The following STPG2 variants were observed in gnomAD, a reference collection of about 807,000 sequenced individuals.
STPG2 encodes sperm tail PG-rich repeat containing 2.
A neutral mutation model predicts 54.2 loss-of-function variants in STPG2; 56 were observed. The ratio of observed to expected loss-of-function variants is 1.03; its 90% CI spans 0.83 to 1.29. The LOEUF is 1.29. Ranked by LOEUF, STPG2 falls within the 50% of genes most tolerant of loss-of-function variation. The probability of loss-of-function intolerance (pLI) is 0.00; values close to 1 mark genes in which losing one functional copy is unlikely to be tolerated. For missense variants in STPG2, 596 were observed against 544.9 expected (o/e 1.09, Z -0.93); for synonymous variants, 200 against 181.8 (o/e 1.10, Z -0.81).
At chr4:97,868,192 C>A (rs1326782440) in intron 8 of STPG2, among the ~76,000 whole-genome samples, 1 of 151,794 alleles carries the variant, frequency 6.6e-6, no homozygotes, top group African/African-American at 2.4e-5. Flanking sequence ...TGCCTTTAGC[C>A]ATTTAAAAAT....
rs573784689 is a variant in STPG2 at position 97,735,006 on chromosome 4, G to C, written c.1205-22192C>G. On this transcript the variant is annotated intron_variant, in intron 9 of 10. Coordinates refer to ENST00000295268, the MANE Select transcript of STPG2 (RefSeq NM_174952.3). ...GAGAATGGCATGAACCCAGGAGGCG[G>C]AGCTGGCAGTGAGTTGAGATGGCGT... Among the ~76,000 whole-genome samples the C allele has an allele frequency of 3.9e-4, 59 of 151,128 alleles. No individual in the cohort carries two copies. The South Asian group carries it at 4.8e-3, about 12-fold the overall frequency.
At chr4:97,548,082 G>C (rs771938669) in intron 4 of STPG2, among the ~76,000 whole-genome samples, 1 of 152,120 alleles carries the variant, frequency 6.6e-6, no homozygotes, top group Non-Finnish European at 1.5e-5. Context: ...CCCTCGAGGC[G>C]GAGATTGTGG....
At chr4:98,115,084 A>G (rs2110150128) in intron 3 of STPG2, among the ~76,000 whole-genome samples, 1 of 152,112 alleles carries the variant, frequency 6.6e-6, no homozygotes, top group South Asian at 2.1e-4. Flanking sequence ...TTTTAAGTAA[A>G]TGCTATATTA....
chr4:97,734,570 T>C (rs897784871), intron 9 of STPG2, among the ~76,000 whole-genome samples: 5 of 152,214 alleles, frequency 3.3e-5, no homozygotes, highest in Non-Finnish European at 7.3e-5. Flanking sequence ...ATATTTCTTA[T>C]ACTTTATTCT....
At chr4:97,902,056 A>C (rs1038462412) in intron 8 of STPG2, among the ~76,000 whole-genome samples, 2 of 152,140 alleles carry the variant, frequency 1.3e-5, no homozygotes, top group African/African-American at 4.8e-5. Context: ...ATGATATAGA[A>C]AGGATATTCT....
chr4:97,563,417 G>GT (rs1246394965), intron 10 of STPG2, among the ~76,000 whole-genome samples: 1 of 152,022 alleles, frequency 6.6e-6, no homozygotes, highest in East Asian at 1.9e-4. Flanking sequence ...TTTTTGAAGG[G>GT]TTTTTTGTGT....
At chr4:97,662,569 A>G (rs1722405462) in intron 10 of STPG2, among the ~76,000 whole-genome samples, 1 of 152,236 alleles carries the variant, frequency 6.6e-6, no homozygotes, top group South Asian at 2.1e-4. Flanking sequence ...CCGTATGTTC[A>G]CTGCGATGCT....
intron 4 of STPG2, among the ~76,000 whole-genome samples, chr4:97,490,372 G>C (rs1730478244): frequency 6.6e-6 from 1 of 151,300 alleles, no homozygotes; most frequent in Non-Finnish European, 1.5e-5. Flanking sequence ...TCAGCCATTG[G>C]CAATATTAAT....
At chr4:97,498,564 T>C (rs1400557793) in intron 4 of STPG2, among the ~76,000 whole-genome samples, 8 of 151,706 alleles carry the variant, frequency 5.3e-5, no homozygotes, top group Non-Finnish European at 1.2e-4. Context: ...AGGCAAATGT[T>C]ACTTAGAAAT....
chr4:98,017,396 G>A (rs1383956337), intron 5 of STPG2, among the ~76,000 whole-genome samples: 1 of 152,128 alleles, frequency 6.6e-6, no homozygotes, highest in Admixed American at 6.5e-5. Context: ...AGGTTTGTTG[G>A]GTACATCCTG....
intron 9 of STPG2, among the ~76,000 whole-genome samples, chr4:97,823,750 A>G (rs545449219): frequency 5.8e-4 from 89 of 152,298 alleles, no homozygotes; most frequent in Non-Finnish European, 1.1e-3. Context: ...TGAAACACCA[A>G]TTGGCTAACT....
At chr4:97,550,292 G>T (rs1578381239) in intron 4 of STPG2, among the ~76,000 whole-genome samples, 1 of 151,680 alleles carries the variant, frequency 6.6e-6, no homozygotes, top group East Asian at 1.9e-4. Context: ...ATGTATAAAT[G>T]AAGAAAAATA....
At chr4:97,672,408 A>T (rs958166289) in intron 10 of STPG2, among the ~76,000 whole-genome samples, 2 of 151,776 alleles carry the variant, frequency 1.3e-5, no homozygotes, top group African/African-American at 4.8e-5. Context: ...GAACTCCCAA[A>T]CTCAGGTGAT....
At chr4:97,638,482 A>G (rs1314828258) in intron 10 of STPG2, among the ~76,000 whole-genome samples, 1 of 152,196 alleles carries the variant, frequency 6.6e-6, no homozygotes, top group Non-Finnish European at 1.5e-5. Flanking sequence ...ACAAAAGACA[A>G]AATTGACAAA....
At chr4:97,978,022 A>ACTATTTCTAAGGAAAAATTT (rs1401939602) in intron 6 of STPG2, among the ~76,000 whole-genome samples, 18 of 152,238 alleles carry the variant, frequency 1.2e-4, no homozygotes, top group Admixed American at 2.6e-4. Flanking sequence ...CTAGATTCTA[A>ACTATTTCTAAGGAAAAATTT]CTAAGGAAAT....
At chr4:97,909,137 G>C (rs1731578957) in intron 8 of STPG2, among the ~76,000 whole-genome samples, 1 of 150,984 alleles carries the variant, frequency 6.6e-6, no homozygotes, top group Non-Finnish European at 1.5e-5. Flanking sequence ...CAAACAGAAA[G>C]AGTGAAAAAG....
Position 98,108,813 on chromosome 4 carries a change from T to C in STPG2, c.500+380A>G, listed in dbSNP as rs866688708. Among the ~76,000 whole-genome samples the C allele has an allele frequency of 1.8e-4, 27 of 151,992 alleles. No individual in the cohort carries two copies. In the Middle Eastern group the frequency reaches 0.01, roughly 57 times the overall value. On this transcript the variant is annotated intron_variant, in intron 4 of 10. Coordinates refer to ENST00000295268, the MANE Select transcript of STPG2 (RefSeq NM_174952.3). ...AACTATGCAAAGCTTGCTGTGAAGATTAAATGAGTTAATGCATATATAGTA... is the reference window on the plus strand; with the variant it reads ...AACTATGCAAAGCTTGCTGTGAAGACTAAATGAGTTAATGCATATATAGTA...
intron 9 of STPG2, among the ~76,000 whole-genome samples, chr4:97,797,866 C>G (rs1277799956): frequency 6.6e-6 from 1 of 152,074 alleles, no homozygotes; most frequent in Admixed American, 6.6e-5. Flanking sequence ...AATTTCAGAG[C>G]CTGTTATTGG....
chr4:97,559,180 T>G, intron 10 of STPG2, 63 bp from the exon 11 acceptor site: 1 of 1,065,488 alleles, frequency 9.4e-7, no homozygotes, highest in Non-Finnish European at 1.4e-6. Context: ...AAAATAATAT[T>G]CATTATTTAA....
Sources: allele counts gnomAD v4.1 joint callset (sites outside exome capture counted in the v4.1 genomes callset), GRCh38; gene constraint gnomAD v4.1.1; transcripts MANE v1.5; gene names NCBI Gene and HGNC (gene_info 2026-07-23, HGNC 2026-07-21).